TTC28: variants seen among roughly 807,000 people sequenced by gnomAD.
TTC28 encodes the protein tetratricopeptide repeat domain 28.
Under a neutral mutation model 198.0 loss-of-function variants are expected in TTC28, and 61 were observed. That is an observed-to-expected ratio of 0.31 (90% CI 0.25 to 0.38). The LOEUF (loss-of-function observed/expected upper bound fraction) is 0.38, where lower values mean the gene tolerates loss of function less well. TTC28 is among the 10% of genes least tolerant of loss of function. The probability of loss-of-function intolerance (pLI) is 1.00; values close to 1 mark genes in which losing one functional copy is unlikely to be tolerated. For missense variants in TTC28, 2,678 were observed against 3,164.0 expected (o/e 0.85, Z 3.69); for synonymous variants, 1,171 against 1,297.8 (o/e 0.90, Z 2.10).
At position 28,030,334 on chromosome 22, in the gene TTC28, G is replaced by A. The variant is rs768542863; in HGVS notation, c.3965C>T (p.Ala1322Val). ...ACASSETESE[A>V]GDIMDQQFEE... ...AAATTGCTGGTCCATGATGTCTCCCGCTTCACTCTCTGTCTCACTGCTGGC... is the reference window on the plus strand; with the variant it reads ...AAATTGCTGGTCCATGATGTCTCCCACTTCACTCTCTGTCTCACTGCTGGC... The change falls in exon 13 of 23, where the codon GCG becomes GTG. Residue 1322 changes from alanine (A) to valine (V), a missense_variant. By Grantham distance (64) the Ala-to-Val change is moderately conservative. This residue lies in a region of TTC28 where 727 missense variants were observed against 861.9 expected (regional missense o/e 0.84). Coordinates refer to ENST00000397906, the MANE Select transcript of TTC28 (RefSeq NM_001145418.2). 9.7e-6 allele frequency: 15 copies of A among 1,551,664 alleles called. No individual in the cohort carries two copies. The highest frequency in any genetic ancestry group is 7.3e-5 in the East Asian group (3 of 40,924).
intron 2 of TTC28, among the ~76,000 whole-genome samples, chr22:28,558,959 C>T (rs183043937): frequency 4.3e-4 from 65 of 151,700 alleles, no homozygotes; most frequent in African/African-American, 1.5e-3. Flanking sequence ...AGCTTGAACC[C>T]GGGAGGCGGG....
chr22:28,106,948 T>C (rs1471038377), intron 7 of TTC28, 114 bp downstream of exon 7: 22 of 1,295,928 alleles, frequency 1.7e-5, no homozygotes, highest in Admixed American at 2.8e-5. Flanking sequence ...AGATGAGATA[T>C]GTACGAAAAT....
chr22:28,436,093 T>G (rs746537732), intron 2 of TTC28, among the ~76,000 whole-genome samples: 11 of 152,200 alleles, frequency 7.2e-5, no homozygotes, highest in Admixed American at 2.6e-4. Context: ...AATAGGTGCA[T>G]AGTTAAGATT....
At chr22:28,445,276 C>G (rs1371055514) in intron 2 of TTC28, among the ~76,000 whole-genome samples, 1 of 152,108 alleles carries the variant, frequency 6.6e-6, no homozygotes, top group East Asian at 1.9e-4. Context: ...AGTCCTTATG[C>G]TGGAGAAAGT....
chr22:28,408,510 C>G (rs1035387064), intron 2 of TTC28, among the ~76,000 whole-genome samples: 1 of 152,148 alleles, frequency 6.6e-6, no homozygotes, highest in Non-Finnish European at 1.5e-5. Context: ...CCTGCCTCAG[C>G]CTCCCGAGTA....
chr22:28,327,157 C>G (rs1186080646), intron 2 of TTC28, among the ~76,000 whole-genome samples: 1 of 151,970 alleles, frequency 6.6e-6, no homozygotes, highest in Non-Finnish European at 1.5e-5. Flanking sequence ...TAAAGTAAAG[C>G]CCCAAAATTA....
At chr22:28,519,527 G>T (rs1245697403) in intron 2 of TTC28, among the ~76,000 whole-genome samples, 1 of 152,138 alleles carries the variant, frequency 6.6e-6, no homozygotes, top group Non-Finnish European at 1.5e-5. Flanking sequence ...GAAATAACTT[G>T]CGGACATCAC....
At chr22:28,030,734 C>T (rs1939041153) in intron 12 of TTC28, among the ~76,000 whole-genome samples, 1 of 152,248 alleles carries the variant, frequency 6.6e-6, no homozygotes, top group African/African-American at 2.4e-5. Context: ...TCCCAGCGTA[C>T]AGCTGAGGCA....
intron 13 of TTC28, among the ~76,000 whole-genome samples, chr22:28,027,320 C>T (rs1351526447): frequency 6.6e-6 from 1 of 152,214 alleles, no homozygotes; most frequent in Non-Finnish European, 1.5e-5. Context: ...CATTCAATAG[C>T]AGTGCCTACC....
chr22:28,106,763 G>A (rs1010232618), intron 7 of TTC28, among the ~76,000 whole-genome samples: 6 of 152,152 alleles, frequency 3.9e-5, no homozygotes, highest in Non-Finnish European at 8.8e-5. Context: ...TCATTCTAAT[G>A]TAGTCAAAAG....
At chr22:28,396,393 A>T (rs985175100) in intron 2 of TTC28, among the ~76,000 whole-genome samples, 1 of 152,234 alleles carries the variant, frequency 6.6e-6, no homozygotes, top group Non-Finnish European at 1.5e-5. Context: ...TGGGCCACAT[A>T]GCTCAACTTG....
intron 5 of TTC28, among the ~76,000 whole-genome samples, chr22:28,222,154 T>C (rs1927925237): frequency 6.6e-6 from 1 of 152,216 alleles, no homozygotes; most frequent in Admixed American, 6.5e-5. Flanking sequence ...TGAGCATTGA[T>C]GCAGCTGAAG....
intron 2 of TTC28, among the ~76,000 whole-genome samples, chr22:28,550,712 A>T (rs957037350): frequency 6.6e-6 from 1 of 152,162 alleles, no homozygotes; most frequent in Non-Finnish European, 1.5e-5. Context: ...ATAGACTAGC[A>T]CTGCAGCAAA....
chr22:28,559,267 A>C (rs145122022), intron 2 of TTC28, among the ~76,000 whole-genome samples: 2 of 152,344 alleles, frequency 1.3e-5, no homozygotes, highest in Non-Finnish European at 2.9e-5. Flanking sequence ...AAATGTCATT[A>C]GTTTCACTTA....
intron 2 of TTC28, among the ~76,000 whole-genome samples, chr22:28,477,769 C>T (rs930212568): frequency 2.0e-5 from 3 of 152,142 alleles, no homozygotes; most frequent in Non-Finnish European, 4.4e-5. Context: ...GCTTGAAAAT[C>T]ACTCATTCTT....
At chr22:28,396,466 C>G (rs1158052287) in intron 2 of TTC28, among the ~76,000 whole-genome samples, 2 of 152,212 alleles carry the variant, frequency 1.3e-5, no homozygotes, top group Non-Finnish European at 2.9e-5. Flanking sequence ...CCCAAAGCAG[C>G]AGCCCAGATC....
intron 2 of TTC28, among the ~76,000 whole-genome samples, chr22:28,353,595 T>C: frequency 6.6e-6 from 1 of 152,044 alleles, no homozygotes; most frequent in East Asian, 1.9e-4. Flanking sequence ...GACCATTCAA[T>C]GAAGAAAGGA....
chr22:28,495,916 T>C (rs2048448453), intron 2 of TTC28, among the ~76,000 whole-genome samples: 1 of 152,086 alleles, frequency 6.6e-6, no homozygotes, highest in Non-Finnish European at 1.5e-5. Context: ...ACCCCGCCAC[T>C]CCACCAAATC....
At chr22:28,504,583 C>A (rs1349584773) in intron 2 of TTC28, among the ~76,000 whole-genome samples, 1 of 152,072 alleles carries the variant, frequency 6.6e-6, no homozygotes, top group African/African-American at 2.4e-5. Context: ...TAAATCTGTA[C>A]CCTCAGCACC....
Sources: gnomAD v4.1 joint callset for allele counts (sites outside exome capture counted in the v4.1 genomes callset) on GRCh38, gnomAD v4.1.1 for gene constraint, gnomAD v4.1.1 regional missense constraint, MANE v1.5 for transcripts, NCBI Gene and HGNC (gene_info 2026-07-23, HGNC 2026-07-21) for gene names.